The following PCDHA10 variants were observed in gnomAD, a reference collection of about 807,000 sequenced individuals.
PCDHA10 encodes protocadherin alpha 10.
PCDHA10 carries 45 observed loss-of-function variants against 61.2 expected under a neutral mutation model. The ratio of observed to expected loss-of-function variants is 0.74; its 90% CI spans 0.58 to 0.94. PCDHA10 has a LOEUF of 0.94. Ranked by LOEUF, PCDHA10 falls within the 40% of genes least tolerant of loss-of-function variation. The pLI, the probability that PCDHA10 is intolerant of heterozygous loss-of-function variation, is 0.00. For synonymous variants in PCDHA10, 602 were observed against 548.8 expected (o/e 1.10, Z -1.35); for missense variants, 1,278 against 1,236.2 (o/e 1.03, Z -0.51).
intron 1 of PCDHA10, chr5:140,862,986 T>C (rs897931834): frequency 3.7e-6 from 2 of 546,930 alleles, no homozygotes; most frequent in Non-Finnish European, 3.6e-6. Flanking sequence ...GTGGCGAAGG[T>C]GCGCACGGTG....
At position 141,010,158 on chromosome 5, in the gene PCDHA10, GT is replaced by G. The variant is rs1563735803; in HGVS notation, c.*225del. 1.3e-6 allele frequency: 2 copies of G among 1,570,690 alleles called. No homozygotes were observed. The highest frequency in any genetic ancestry group is 1.7e-6 in the Non-Finnish European group (2 of 1,156,884). ...TAACTCTTTCTCTCCACTCTGGCTT[GT>G]TTTCAGAACCTAAAAAGCAGACCCA... On this transcript the variant is annotated 3_prime_UTR_variant, in exon 4 of 4. Coordinates refer to ENST00000307360, the MANE Select transcript of PCDHA10 (RefSeq NM_018901.4).
intron 1 of PCDHA10, chr5:140,863,295 C>A: frequency 6.8e-7 from 1 of 1,463,648 alleles, no homozygotes; most frequent in South Asian, 1.1e-5. Context: ...TGTACCTGAT[C>A]ATCGCCATCT....
At chr5:140,879,084 G>T (rs927310887) in intron 1 of PCDHA10, among the ~76,000 whole-genome samples, 1 of 152,174 alleles carries the variant, frequency 6.6e-6, no homozygotes, top group Non-Finnish European at 1.5e-5. Flanking sequence ...AGATAAGTAG[G>T]AACAACTGCA....
intron 1 of PCDHA10, chr5:140,878,062 T>C (rs1180266527): frequency 2.5e-6 from 1 of 403,164 alleles, no homozygotes; most frequent in East Asian, 4.6e-5. Context: ...ACACTTAATA[T>C]TTTTCTTTTT....
In PCDHA10 at chr5:140,870,510, A is replaced by G. The variant is rs185967358; in HGVS notation, c.2388+12074A>G. On this transcript the variant is annotated intron_variant, in intron 1 of 3. Transcript: ENST00000307360. ...TGTTCGTGAAGGAGAACAACCCACCAGGCTGCCACATCTTCACAGTGTCGG... is the reference window on the plus strand; with the variant it reads ...TGTTCGTGAAGGAGAACAACCCACCGGGCTGCCACATCTTCACAGTGTCGG... 4.8e-3 allele frequency: 7,668 copies of G among 1,614,220 alleles called. 19 individuals carry two copies. The highest frequency in any genetic ancestry group is 5.8e-3 in the Non-Finnish European group (6,886 of 1,180,042).
chr5:140,875,816 A>C lies in PCDHA10; in HGVS notation c.2388+17380A>C, dbSNP rs570265935. On this transcript the variant is annotated intron_variant, in intron 1 of 3. Coordinates refer to ENST00000307360, the MANE Select transcript of PCDHA10 (RefSeq NM_018901.4). ...GAGGTGATCGTGGACAGGCCGCTGC[A>C]GGTTTTCCATGTGGACGTGGAGGTG... is the stretch of plus-strand genomic sequence containing the variant. 24 of 1,614,198 alleles carry C rather than the reference A, an allele frequency of 1.5e-5. No individual in the cohort carries two copies. The South Asian group carries it at 2.6e-4, about 18-fold the overall frequency.
intron 1 of PCDHA10, among the ~76,000 whole-genome samples, chr5:140,950,569 T>C (rs969438550): frequency 1.3e-5 from 2 of 152,120 alleles, no homozygotes; most frequent in African/African-American, 2.4e-5. Context: ...TATTTTAAGG[T>C]TTTCTACTTA....
chr5:140,926,819 C>T, intron 1 of PCDHA10: 1 of 1,493,950 alleles, frequency 6.7e-7, no homozygotes. Context: ...CTCGTGCTCT[C>T]CAGGAGTCCG....
At chr5:140,860,807 G>C (rs907238053) in intron 1 of PCDHA10, 3 of 152,116 alleles carry the variant, frequency 2.0e-5, no homozygotes. Context: ...GCACGATCTC[G>C]GCTCACTGCA....
intron 1 of PCDHA10, chr5:140,929,480 G>T: frequency 8.4e-7 from 1 of 1,195,420 alleles, no homozygotes; most frequent in Non-Finnish European, 1.1e-6. Flanking sequence ...TGGAAGTATA[G>T]AAGTATTAGA....
chr5:140,985,572 C>G (rs2097158307), intron 3 of PCDHA10, among the ~76,000 whole-genome samples: 1 of 152,142 alleles, frequency 6.6e-6, no homozygotes, highest in Non-Finnish European at 1.5e-5. Context: ...CTTTCTGGTG[C>G]CTAAGCCTCC....
intron 1 of PCDHA10, among the ~76,000 whole-genome samples, chr5:140,897,558 T>A (rs1413076305): frequency 3.3e-5 from 5 of 152,186 alleles, no homozygotes; most frequent in African/African-American, 1.2e-4. Context: ...ATGGTGTATA[T>A]GTGCCACATT....
At chr5:140,860,253 G>C (rs1278193259) in intron 1 of PCDHA10, 1 of 151,492 alleles carries the variant, frequency 6.6e-6, no homozygotes, top group Non-Finnish European at 1.5e-5. Flanking sequence ...CATGCCTTTA[G>C]TCCCTACTGT....
intron 1 of PCDHA10, chr5:140,967,277 A>G: frequency 6.2e-7 from 1 of 1,613,326 alleles, no homozygotes; most frequent in African/African-American, 1.3e-5. Context: ...TCACATAGAG[A>G]GTGCGCAGGA....
chr5:140,928,790 G>GGGT, intron 1 of PCDHA10: 2 of 1,614,176 alleles, frequency 1.2e-6, no homozygotes, highest in Non-Finnish European at 1.7e-6. Context: ...GTTAAGCAGA[G>GGGT]GGTGGTGGTA....
chr5:140,959,370 T>C (rs1212787453), intron 1 of PCDHA10, among the ~76,000 whole-genome samples: 1 of 151,796 alleles, frequency 6.6e-6, no homozygotes, highest in African/African-American at 2.4e-5. Flanking sequence ...TGAGACCCTG[T>C]CTCAAAAAAA....
chr5:140,932,406 T>C (rs1235222855), intron 1 of PCDHA10, among the ~76,000 whole-genome samples: 1 of 151,924 alleles, frequency 6.6e-6, no homozygotes, highest in East Asian at 1.9e-4. Flanking sequence ...CATACCAATG[T>C]TATATTAGTG....
At chr5:140,858,472 T>C in intron 1 of PCDHA10, 36 bp downstream of exon 1, 1 of 1,518,184 alleles carries the variant, frequency 6.6e-7, no homozygotes. Context: ...TTTTGTGCTT[T>C]ATGAATAATA....
chr5:140,891,399 C>T (rs979878059), intron 1 of PCDHA10, among the ~76,000 whole-genome samples: 12 of 151,644 alleles, frequency 7.9e-5, no homozygotes, highest in African/African-American at 2.4e-4. Context: ...TTTTATCCCT[C>T]GCCACCCCCC....
Sources: gnomAD v4.1 joint callset for allele counts (sites outside exome capture counted in the v4.1 genomes callset) on GRCh38, gnomAD v4.1.1 for gene constraint, MANE v1.5 for transcripts, NCBI Gene and HGNC (gene_info 2026-07-23, HGNC 2026-07-21) for gene names.